Variants in TRIO observed in about 807,000 individuals in gnomAD.
TRIO encodes the protein triple functional domain protein.
TRIO carries 58 observed loss-of-function variants against 351.9 expected under a neutral mutation model. The ratio of observed to expected loss-of-function variants is 0.16; its 90% CI spans 0.13 to 0.21. TRIO has a LOEUF of 0.21. Ranked by LOEUF, TRIO falls within the 10% of genes least tolerant of loss-of-function variation. The pLI is 1.00. For missense variants in TRIO, 3,201 were observed against 4,027.8 expected (o/e 0.79, Z 5.56); for synonymous variants, 1,758 against 1,595.7 (o/e 1.10, Z -2.42).
chr5:14,394,588 A>G (rs1229504399), intron 28 of TRIO, among the ~76,000 whole-genome samples: 1 of 152,190 alleles, frequency 6.6e-6, no homozygotes, highest in East Asian at 1.9e-4. Flanking sequence ...GCTGATGCCC[A>G]GGGCTTCCAC....
intron 1 of TRIO, among the ~76,000 whole-genome samples, chr5:14,210,897 T>A (rs1421983193): frequency 6.6e-6 from 1 of 151,962 alleles, no homozygotes; most frequent in Non-Finnish European, 1.5e-5. Context: ...TCCACTCCCT[T>A]CCTCCTTTCA....
intron 37 of TRIO, among the ~76,000 whole-genome samples, 183 bp from the exon 38 acceptor site, chr5:14,471,135 C>CT (rs1754651249): frequency 6.6e-6 from 1 of 151,954 alleles, no homozygotes; most frequent in African/African-American, 2.4e-5. Flanking sequence ...TCCTTTGACT[C>CT]TATTTTTTTA....
chr5:14,327,912 T>C (rs1350520393), intron 9 of TRIO, among the ~76,000 whole-genome samples: 1 of 152,222 alleles, frequency 6.6e-6, no homozygotes, highest in African/African-American at 2.4e-5. Context: ...TGTTTTATAA[T>C]ATAAAAGACT....
chr5:14,308,399 CCCAT>C (rs1239215159), intron 8 of TRIO, among the ~76,000 whole-genome samples: 1 of 140,758 alleles, frequency 7.1e-6, no homozygotes, highest in Non-Finnish European at 1.5e-5. Flanking sequence ...CATTCAGTCA[CCCAT>C]CCATCCATCC....
intron 1 of TRIO, among the ~76,000 whole-genome samples, chr5:14,270,357 G>C (rs1310446102): frequency 6.6e-6 from 1 of 152,158 alleles, no homozygotes; most frequent in East Asian, 1.9e-4. Context: ...TTGCCACTGT[G>C]TATTTTTAAC....
At chr5:14,445,181 A>G (rs1752348643) in intron 34 of TRIO, among the ~76,000 whole-genome samples, 1 of 152,164 alleles carries the variant, frequency 6.6e-6, no homozygotes, top group African/African-American at 2.4e-5. Flanking sequence ...GCTGGGTAAC[A>G]AGCCATGGAA....
At chr5:14,394,447 G>A (rs16903460) in intron 28 of TRIO, among the ~76,000 whole-genome samples, 15,724 of 152,026 alleles carry the variant, frequency 0.1, 1,311 homozygotes, top group African/African-American at 0.24. Context: ...GTGCACTTTG[G>A]TACGCTCTGC....
chr5:14,363,713 C>T lies in TRIO; in HGVS notation c.2392-19C>T, dbSNP rs764124306. The T allele has an allele frequency of 4.5e-5, 72 of 1,604,892 alleles. No individual in the cohort carries two copies. Among genetic ancestry groups the T allele is most frequent in the Admixed American group, 1.0e-4 (6 of 58,866 alleles). ...GCATGTATATTTTTTTTGTCTTGAT[C>T]TTAAATACCTTCTTTCAGATTATCT... On this transcript the variant is annotated intron_variant, in intron 13 of 56. Transcript: ENST00000344204.
chr5:14,354,298 A>G (rs1004108360), intron 11 of TRIO, among the ~76,000 whole-genome samples: 2 of 152,216 alleles, frequency 1.3e-5, no homozygotes, highest in African/African-American at 4.8e-5. Context: ...TTTTTCTAGT[A>G]GGCTTTTTTT....
intron 1 of TRIO, among the ~76,000 whole-genome samples, chr5:14,233,806 GTTTGT>G (rs1793614710): frequency 6.6e-6 from 1 of 152,092 alleles, no homozygotes. Context: ...TTTGTTTTTT[GTTTGT>G]TTTGAGTCTC....
At chr5:14,379,769 C>G (rs1291297212) in intron 20 of TRIO, among the ~76,000 whole-genome samples, 2 of 152,192 alleles carry the variant, frequency 1.3e-5, no homozygotes, top group Non-Finnish European at 2.9e-5. Flanking sequence ...TTGCATTTTC[C>G]TAAAGTCCGC....
chr5:14,177,808 T>C (rs1789499226), intron 1 of TRIO, among the ~76,000 whole-genome samples: 3 of 152,184 alleles, frequency 2.0e-5, no homozygotes, highest in South Asian at 2.1e-4. Flanking sequence ...AAGGAGGGGC[T>C]GCTTTGCATC....
chr5:14,379,152 C>T lies in TRIO; in HGVS notation c.3447+1025C>T, dbSNP rs151172815. ...GATTCCCCCAGCGTCTGTGTGTGGC[C>T]CAGCCCTGGTCTGGGTGCCTTAAAG... On this transcript the variant is annotated intron_variant, in intron 20 of 56. Coordinates refer to ENST00000344204, the MANE Select transcript of TRIO (RefSeq NM_007118.4). 5.5e-3 allele frequency among the ~76,000 whole-genome samples: 838 copies of T among 152,210 alleles called. 10 individuals carry two copies. Among genetic ancestry groups the T allele is most frequent in the African/African-American group, 0.019 (803 of 41,530 alleles).
chr5:14,353,608 A>G (rs1743342752), intron 11 of TRIO, among the ~76,000 whole-genome samples: 1 of 152,144 alleles, frequency 6.6e-6, no homozygotes, highest in Non-Finnish European at 1.5e-5. Flanking sequence ...CCCATTTTAT[A>G]GATGAGAAAA....
At chr5:14,226,090 G>A (rs985992536) in intron 1 of TRIO, among the ~76,000 whole-genome samples, 1 of 152,176 alleles carries the variant, frequency 6.6e-6, no homozygotes, top group Admixed American at 6.5e-5. Context: ...GGAGGCACCT[G>A]GTTAATGCCG....
intron 1 of TRIO, among the ~76,000 whole-genome samples, chr5:14,203,548 C>T (rs933816423): frequency 2.6e-5 from 4 of 152,144 alleles, no homozygotes; most frequent in Non-Finnish European, 5.9e-5. Flanking sequence ...CTTATGTTCA[C>T]CTGTGAGTTT....
Position 14,504,983 on chromosome 5 carries a change from C to T in TRIO, c.8612+390C>T, listed in dbSNP as rs78046369. On this transcript the variant is annotated intron_variant, in intron 55 of 56. Coordinates refer to ENST00000344204, the MANE Select transcript of TRIO (RefSeq NM_007118.4). ...AAGCCTGTGCAGGGCCAGCTCACCC[C>T]GGATCAGCGGGGTGCCCCTCAGGCC... 4.5e-3 allele frequency among the ~76,000 whole-genome samples: 686 copies of T among 152,300 alleles called. 11 individuals are homozygous for T. The highest frequency in any genetic ancestry group is 0.033 in the East Asian group (171 of 5,164).
At position 14,508,386 on chromosome 5, in the gene TRIO, A is replaced by C. The variant is rs778010546; in HGVS notation, c.9258A>C (p.Lys3086Asn). 1.9e-6 allele frequency: 3 copies of C among 1,613,052 alleles called. No individual in the cohort carries two copies. The highest frequency in any genetic ancestry group is 2.5e-6 in the Non-Finnish European group (3 of 1,179,324). Reference sequence around the variant, plus strand: ...ATGTTCGACCTATCCGTAGCATTAAAAACTTTCTGCAGAGCAGGCTTCTGC... The same window carrying C: ...ATGTTCGACCTATCCGTAGCATTAACAACTTTCTGCAGAGCAGGCTTCTGC... ...QNDVRPIRSI[K>N]NFLQSRLLPR... Residue 3086 changes from lysine (K) to asparagine (N), a missense_variant, in exon 57 of 57, where the codon AAA becomes AAC. Physicochemically the swap from Lys to Asn is moderately conservative, Grantham distance 94. This residue lies in a region of TRIO where 233 missense variants were observed against 292.6 expected (regional missense o/e 0.80). Transcript: ENST00000344204.
chr5:14,232,764 G>A (rs967688480), intron 1 of TRIO, among the ~76,000 whole-genome samples: 2 of 152,174 alleles, frequency 1.3e-5, no homozygotes, highest in African/African-American at 4.8e-5. Context: ...TTTAATATAT[G>A]TGTTTACTTA....
Sources: allele counts gnomAD v4.1 joint callset (sites outside exome capture counted in the v4.1 genomes callset), GRCh38; gene constraint gnomAD v4.1.1; regional missense constraint gnomAD v4.1.1; transcripts MANE v1.5; gene names NCBI Gene and HGNC (gene_info 2026-07-23, HGNC 2026-07-21).